THSD7B: variants seen among roughly 807,000 people sequenced by gnomAD.
THSD7B encodes the protein thrombospondin type-1 domain-containing protein 7B.
THSD7B carries 138 observed loss-of-function variants against 213.6 expected under a neutral mutation model. The observed-to-expected ratio is 0.65, with a 90% CI of 0.56 to 0.74. The LOEUF (loss-of-function observed/expected upper bound fraction) is 0.74, where lower values mean the gene tolerates loss of function less well. Among genes scored for constraint, THSD7B ranks in the 30% least tolerant of loss-of-function variants. The pLI is 0.00. For missense variants in THSD7B, 1,931 were observed against 1,991.5 expected, an observed-to-expected ratio of 0.97 and a Z score of 0.58; for synonymous variants, 742 against 687.0, an observed-to-expected ratio of 1.08 and a Z score of -1.25.
intron 5 of THSD7B, among the ~76,000 whole-genome samples, chr2:137,133,137 T>C (rs1688772125): frequency 6.6e-6 from 1 of 152,196 alleles, no homozygotes; most frequent in Non-Finnish European, 1.5e-5. Context: ...ATTATCACAC[T>C]GAATACCTAG....
At chr2:137,222,749 G>A (rs940589408) in intron 7 of THSD7B, among the ~76,000 whole-genome samples, 6 of 152,164 alleles carry the variant, frequency 3.9e-5, no homozygotes, top group Non-Finnish European at 5.9e-5. Flanking sequence ...CAAGAGCCAG[G>A]CGTATAGAAG....
intron 3 of THSD7B, among the ~76,000 whole-genome samples, chr2:137,090,088 TA>T (rs1362779914): frequency 6.6e-6 from 1 of 151,278 alleles, no homozygotes; most frequent in Non-Finnish European, 1.5e-5. Flanking sequence ...CCTATGAAAA[TA>T]AAAAAATTAA....
chr2:137,598,905 TAA>T (rs1682020592), intron 17 of THSD7B, among the ~76,000 whole-genome samples: 1 of 151,114 alleles, frequency 6.6e-6, no homozygotes, highest in Non-Finnish European at 1.5e-5. Context: ...TATTATACTT[TAA>T]GTTTTAGGGT....
chr2:137,382,439 T>C (rs1214224888), intron 12 of THSD7B, among the ~76,000 whole-genome samples: 2 of 152,194 alleles, frequency 1.3e-5, no homozygotes, highest in Non-Finnish European at 2.9e-5. Flanking sequence ...ATGGTTTTGG[T>C]TGGGGCCTGT....
chr2:137,444,806 G>A (rs1356496599), intron 14 of THSD7B, among the ~76,000 whole-genome samples: 2 of 151,850 alleles, frequency 1.3e-5, no homozygotes, highest in Non-Finnish European at 2.9e-5. Context: ...CACAGTAAAG[G>A]AAACACTCAA....
At chr2:137,436,001 C>A (rs1312405861) in intron 14 of THSD7B, among the ~76,000 whole-genome samples, 1 of 152,116 alleles carries the variant, frequency 6.6e-6, no homozygotes, top group Admixed American at 6.6e-5. Context: ...CATGCACATC[C>A]TCCTGTTATT....
At chr2:136,771,068 A>G (rs549826008) in intron 1 of THSD7B, among the ~76,000 whole-genome samples, 4 of 152,294 alleles carry the variant, frequency 2.6e-5, no homozygotes, top group Non-Finnish European at 4.4e-5. Context: ...ATTAAAATGT[A>G]TGTATGTGGG....
chr2:136,985,807 C>T (rs1685662405), intron 2 of THSD7B, among the ~76,000 whole-genome samples: 1 of 152,232 alleles, frequency 6.6e-6, no homozygotes, highest in Non-Finnish European at 1.5e-5. Context: ...CGTTGGAAAA[C>T]TCTAGCTTAT....
intron 2 of THSD7B, among the ~76,000 whole-genome samples, chr2:137,014,310 C>G (rs1686292981): frequency 6.6e-6 from 1 of 152,136 alleles, no homozygotes; most frequent in Non-Finnish European, 1.5e-5. Context: ...TTTTCATCAG[C>G]CCAGTGTAAT....
intron 12 of THSD7B, among the ~76,000 whole-genome samples, chr2:137,347,265 A>G (rs1251807374): frequency 6.6e-6 from 1 of 151,720 alleles, no homozygotes; most frequent in Non-Finnish European, 1.5e-5. Flanking sequence ...GAAGGTTGAT[A>G]TAGACAAGCT....
At chr2:137,628,603 T>C (rs766830991) in intron 20 of THSD7B, among the ~76,000 whole-genome samples, 6 of 152,224 alleles carry the variant, frequency 3.9e-5, no homozygotes, top group Non-Finnish European at 7.3e-5. Flanking sequence ...GTTGCGCCTC[T>C]GTCCAGAAAA....
intron 15 of THSD7B, among the ~76,000 whole-genome samples, chr2:137,549,292 T>C (rs1402812553): frequency 6.8e-6 from 1 of 147,072 alleles, no homozygotes; most frequent in African/African-American, 2.5e-5. Context: ...GGCAGACATG[T>C]CTTTTTTTTC....
At chr2:137,529,912 G>A (rs1028114674) in intron 15 of THSD7B, among the ~76,000 whole-genome samples, 3 of 151,884 alleles carry the variant, frequency 2.0e-5, no homozygotes, top group Admixed American at 6.6e-5. Context: ...ACATTAAAAG[G>A]GAGAGAAAAT....
intron 20 of THSD7B, among the ~76,000 whole-genome samples, chr2:137,623,922 C>T (rs1682571002): frequency 6.6e-6 from 1 of 152,182 alleles, no homozygotes; most frequent in African/African-American, 2.4e-5. Flanking sequence ...TTTATAGATT[C>T]AATGCCATCC....
chr2:137,001,997 G>A (rs1686008991), intron 2 of THSD7B, among the ~76,000 whole-genome samples: 1 of 151,988 alleles, frequency 6.6e-6, no homozygotes, highest in Admixed American at 6.6e-5. Flanking sequence ...TGATCTACAG[G>A]ACCCTATTTT....
chr2:137,040,486 C>G (rs1012283392), intron 2 of THSD7B, among the ~76,000 whole-genome samples: 3 of 151,780 alleles, frequency 2.0e-5, no homozygotes, highest in Non-Finnish European at 2.9e-5. Context: ...CTCTGTCTCC[C>G]AGATTCAAGT....
At chr2:136,891,994 A>T (rs1281313357) in intron 2 of THSD7B, among the ~76,000 whole-genome samples, 1 of 151,768 alleles carries the variant, frequency 6.6e-6, no homozygotes, top group East Asian at 1.9e-4. Flanking sequence ...GGCTGGGAGG[A>T]CTTAACTAGC....
At chr2:137,596,187 C>T (rs2104818232) in intron 17 of THSD7B, among the ~76,000 whole-genome samples, 1 of 152,056 alleles carries the variant, frequency 6.6e-6, no homozygotes, top group South Asian at 2.1e-4. Context: ...AAAGCATGAA[C>T]ACATGCTGGA....
chr2:137,592,581 C>A (rs1681885960), intron 17 of THSD7B, among the ~76,000 whole-genome samples: 1 of 151,878 alleles, frequency 6.6e-6, no homozygotes, highest in Admixed American at 6.6e-5. Context: ...TCCTAAATCA[C>A]TTCTCATTTT....
Sources: gnomAD v4.1 joint callset for allele counts (sites outside exome capture counted in the v4.1 genomes callset) on GRCh38, gnomAD v4.1.1 for gene constraint, MANE v1.5 for transcripts, NCBI Gene and HGNC (gene_info 2026-07-23, HGNC 2026-07-21) for gene names.